PDE3A: variants seen among roughly 807,000 people sequenced by gnomAD.
The protein encoded by PDE3A is phosphodiesterase 3A.
Under a neutral mutation model 98.3 loss-of-function variants are expected in PDE3A, and 43 were observed. The ratio of observed to expected loss-of-function variants is 0.44; its 90% CI spans 0.34 to 0.56. The LOEUF (loss-of-function observed/expected upper bound fraction) is 0.56. Among genes scored for constraint, PDE3A ranks in the 20% least tolerant of loss-of-function variants. The pLI, the probability that PDE3A is intolerant of heterozygous loss-of-function variation, is 0.01. For synonymous variants in PDE3A, 663 were observed against 567.9 expected (o/e 1.17, Z -2.38); for missense variants, 1,427 against 1,440.7 (o/e 0.99, Z 0.15).
chr12:20,515,923 G>A (rs1334937901), intron 1 of PDE3A, among the ~76,000 whole-genome samples: 2 of 150,272 alleles, frequency 1.3e-5, no homozygotes, highest in East Asian at 3.9e-4. Flanking sequence ...TAGTAGAGAC[G>A]GGGTTTCACC....
At chr12:20,595,561 G>A (rs1943446256) in intron 2 of PDE3A, among the ~76,000 whole-genome samples, 1 of 152,186 alleles carries the variant, frequency 6.6e-6, no homozygotes, top group South Asian at 2.1e-4. Flanking sequence ...GCAGCCACAA[G>A]ACATGCTTGA....
Position 20,425,229 on chromosome 12 carries a change from C to A in PDE3A, c.960+54985C>A, listed in dbSNP as rs954975406. Among the ~76,000 whole-genome samples the A allele has an allele frequency of 2.0e-4, 30 of 152,100 alleles. 1 individual carries two copies. The highest frequency in any genetic ancestry group is 3.4e-4 in the Non-Finnish European group (23 of 68,006). ...TTTGGAGTAGTCTTTAATTACTAAACAAGGTGGTGACATACATAAAGCCAG... is the reference window on the plus strand; with the variant it reads ...TTTGGAGTAGTCTTTAATTACTAAAAAAGGTGGTGACATACATAAAGCCAG... On this transcript the variant is annotated intron_variant, in intron 1 of 15. Transcript: ENST00000359062.
chr12:20,470,269 A>C (rs1945414625), intron 1 of PDE3A, among the ~76,000 whole-genome samples: 1 of 152,142 alleles, frequency 6.6e-6, no homozygotes, highest in African/African-American at 2.4e-5. Context: ...GAGTTTTTTA[A>C]GTGGGAATGG....
At chr12:20,524,956 G>A (rs1175979523) in intron 1 of PDE3A, among the ~76,000 whole-genome samples, 2 of 152,150 alleles carry the variant, frequency 1.3e-5, no homozygotes, top group Admixed American at 6.5e-5. Context: ...CCAACACGGA[G>A]AAACCCCGTC....
At chr12:20,512,996 C>A (rs910294353) in intron 1 of PDE3A, among the ~76,000 whole-genome samples, 2 of 151,968 alleles carry the variant, frequency 1.3e-5, no homozygotes, top group African/African-American at 4.8e-5. Context: ...GTATTTTGTT[C>A]TTTTTGCAGA....
chr12:20,673,368 A>T (rs1263496458), intron 15 of PDE3A, among the ~76,000 whole-genome samples: 1 of 147,274 alleles, frequency 6.8e-6, no homozygotes, highest in East Asian at 2.1e-4. Context: ...CCAAAGGACT[A>T]TAAATCATGC....
rs781484902 is a variant in PDE3A at position 20,650,450 on chromosome 12, T to G, written c.2775T>G (p.Asn925Lys). Residue 925 changes from asparagine to lysine, a missense_variant, in exon 14 of 16, where the codon AAT becomes AAG. Asn to Lys is a moderately conservative substitution (Grantham distance 94). Coordinates refer to ENST00000359062, the MANE Select transcript of PDE3A (RefSeq NM_000921.5). ...DFVAKFNGKV[N>K]DDVGIDWTNE... ...TAACTTTATCTCTCAAATAGGTAAA[T>G]GATGATGTTGGAATAGATTGGACCA... The G allele has an allele frequency of 6.3e-7, 1 of 1,598,428 alleles. No individual in the cohort carries two copies. The highest frequency in any genetic ancestry group is 8.5e-7 in the Non-Finnish European group (1 of 1,170,218).
chr12:20,635,060 G>T lies in PDE3A; in HGVS notation c.2001+4G>T. The T allele has an allele frequency of 6.2e-7, 1 of 1,607,030 alleles. No homozygotes were observed. Among genetic ancestry groups the T allele is most frequent in the Non-Finnish European group, 8.5e-7 (1 of 1,176,372 alleles). ...TCCTGAGACCATGATGTTTCTGGTA[G>T]TCCCATATCACTTAACTCACTCATT... On this transcript the variant is annotated splice_donor_region_variant and intron_variant, in intron 8 of 15. Transcript: ENST00000359062.
chr12:20,672,367 CA>C (rs1430406790), intron 15 of PDE3A, among the ~76,000 whole-genome samples: 1 of 99,302 alleles, frequency 1.0e-5, no homozygotes, highest in African/African-American at 4.0e-5. Context: ...CATATGGAAC[CA>C]AAAAAGAGCC....
Position 20,525,467 on chromosome 12 carries a change from TGG to T in PDE3A, c.961-31183_961-31182del, listed in dbSNP as rs58441527. ...TAACATGGAAACATTCTGATTTGGTTGGGGGGGGGGGCTTTTGACATCATCTG... is the reference window on the plus strand; with the variant it reads ...TAACATGGAAACATTCTGATTTGGTTGGGGGGGGGCTTTTGACATCATCTG... On this transcript the variant is annotated intron_variant, in intron 1 of 15. Transcript: ENST00000359062. Among the ~76,000 whole-genome samples, 469 of 139,950 alleles carry T rather than the reference TGG, an allele frequency of 3.4e-3. 1 individual carries two copies. The highest frequency in any genetic ancestry group is 6.0e-3 in the Non-Finnish European group (394 of 65,142). 91.8% of individuals were successfully genotyped at this position (139,950 alleles called of 152,430 possible). A position where few individuals can be genotyped will look rare whatever the true frequency, so the allele number is the denominator to read the frequency against.
rs1565532649 is a variant in PDE3A at position 20,386,149 on chromosome 12, ATATAAATATATATAAATATAT to A, written c.960+15906_960+15926del. 4.6e-4 allele frequency among the ~76,000 whole-genome samples: 13 copies of A among 28,236 alleles called. 1 individual carries two copies. The East Asian group carries it at 0.015, about 32-fold the overall frequency. The allele number at this position is 28,236 out of a possible 152,430, so 18.5% of individuals were successfully genotyped here. ...TATATATAAATATATATAAATATATATATAAATATATATAAATATATAAAAATATATATAAATATATATAAA... is the reference window on the plus strand; with the variant it reads ...TATATATAAATATATATAAATATATAAAAAATATATATAAATATATATAAA... On this transcript the variant is annotated intron_variant, in intron 1 of 15. Transcript: ENST00000359062.
chr12:20,416,012 A>G (rs1478887139), intron 1 of PDE3A, among the ~76,000 whole-genome samples: 6 of 152,194 alleles, frequency 3.9e-5, no homozygotes, highest in African/African-American at 1.4e-4. Context: ...TTGATCCTGA[A>G]GACGTCGTTT....
chr12:20,469,949 A>G (rs1945407776), intron 1 of PDE3A, among the ~76,000 whole-genome samples: 1 of 152,222 alleles, frequency 6.6e-6, no homozygotes, highest in African/African-American at 2.4e-5. Flanking sequence ...ATGGACTTTC[A>G]GGAAACTCTA....
chr12:20,423,742 A>G (rs186906596), intron 1 of PDE3A, among the ~76,000 whole-genome samples: 1 of 152,250 alleles, frequency 6.6e-6, no homozygotes, highest in Admixed American at 6.5e-5. Flanking sequence ...CCTCTGTAGC[A>G]AGTGAGCCAG....
intron 1 of PDE3A, among the ~76,000 whole-genome samples, chr12:20,458,888 C>T (rs1945199066): frequency 6.6e-6 from 1 of 152,148 alleles, no homozygotes; most frequent in South Asian, 2.1e-4. Context: ...ACATGGTGTT[C>T]ACTGTGGTTC....
chr12:20,518,776 T>A (rs12231163), intron 1 of PDE3A, among the ~76,000 whole-genome samples: 2 of 152,150 alleles, frequency 1.3e-5, no homozygotes, highest in Admixed American at 1.3e-4. Context: ...CAGATTTTTT[T>A]AAAAAAGACT....
intron 1 of PDE3A, among the ~76,000 whole-genome samples, chr12:20,501,745 G>C (rs1223343407): frequency 1.3e-5 from 2 of 152,070 alleles, no homozygotes; most frequent in African/African-American, 2.4e-5. Flanking sequence ...ATTCAAGTTA[G>C]TTTGATGCTG....
At chr12:20,388,321 T>C (rs1369691457) in intron 1 of PDE3A, among the ~76,000 whole-genome samples, 1 of 152,040 alleles carries the variant, frequency 6.6e-6, no homozygotes, top group Non-Finnish European at 1.5e-5. Flanking sequence ...TCCTCCAAGG[T>C]AGATCCCTGA....
At chr12:20,502,935 T>C (rs967109726) in intron 1 of PDE3A, among the ~76,000 whole-genome samples, 1 of 152,164 alleles carries the variant, frequency 6.6e-6, no homozygotes, top group Non-Finnish European at 1.5e-5. Flanking sequence ...TGTCCCTTTG[T>C]GAAAGATATT....
Sources: allele counts gnomAD v4.1 joint callset (sites outside exome capture counted in the v4.1 genomes callset), GRCh38; gene constraint gnomAD v4.1.1; transcripts MANE v1.5; gene names NCBI Gene and HGNC (gene_info 2026-07-23, HGNC 2026-07-21).